Variants in HTR2C observed in about 807,000 individuals in gnomAD.
HTR2C encodes 5-hydroxytryptamine (serotonin) receptor 2C, G protein-coupled.
HTR2C carries 5 observed loss-of-function variants against 21.0 expected under a neutral mutation model. That is an observed-to-expected ratio of 0.24 (90% confidence interval 0.12 to 0.50). The LOEUF (loss-of-function observed/expected upper bound fraction) is 0.50. HTR2C is among the 20% of genes least tolerant of loss of function. HTR2C has a pLI of 0.98. For synonymous variants in HTR2C, 150 were observed against 145.3 expected (o/e 1.03, Z -0.23); for missense variants, 271 against 371.2 (o/e 0.73, Z 2.22).
chrX:114,673,124 A>G (rs186456440), intron 2 of HTR2C, among the ~76,000 whole-genome samples: 84 of 112,139 alleles, frequency 7.5e-4, no homozygotes, highest in African/African-American at 2.5e-3. Context: ...AACTCTTAAG[A>G]TTGTCAAACA....
rs958391438 is a variant in HTR2C, at chrX:114,611,930, C to T, written c.-146-1885C>T. ...GCCAGGATGGTCTCGATCTCCTGAC[C>T]TCGTGATCCTCCTGCCTTGGCCTCC... On this transcript the variant is annotated intron_variant, in intron 1 of 5. Transcript: ENST00000276198. 1.1e-4 allele frequency among the ~76,000 whole-genome samples: 12 copies of T among 111,271 alleles called. 1 individual carries two copies. The highest frequency in any genetic ancestry group is 4.8e-4 in the Admixed American group (5 of 10,473).
At chrX:114,764,400 CAAAAAAA>C (rs375720855) in intron 4 of HTR2C, among the ~76,000 whole-genome samples, 7 of 39,035 alleles carry the variant, frequency 1.8e-4, no homozygotes, top group African/African-American at 5.0e-4. Context: ...AACTCCATCT[CAAAAAAA>C]AAAAAAAAAA....
chrX:114,701,012 C>T (rs942329173), intron 2 of HTR2C, among the ~76,000 whole-genome samples: 26 of 112,235 alleles, frequency 2.3e-4, no homozygotes, highest in East Asian at 5.6e-4. Flanking sequence ...GGGGGAGGGG[C>T]GACCGCCATT....
At chrX:114,868,134 A>G (rs2071061010) in intron 5 of HTR2C, among the ~76,000 whole-genome samples, 1 of 110,583 alleles carries the variant, frequency 9.0e-6, no homozygotes, top group Non-Finnish European at 1.9e-5. Flanking sequence ...TTTCCAATCC[A>G]TGAACATGGA....
At chrX:114,772,761 T>A (rs2070018496) in intron 4 of HTR2C, among the ~76,000 whole-genome samples, 1 of 111,107 alleles carries the variant, frequency 9.0e-6, no homozygotes, top group African/African-American at 3.3e-5. Flanking sequence ...GGAGAGTTGG[T>A]AGGGATATAA....
In HTR2C at chrX:114,906,816, A is replaced by G. The variant is rs148470204; in HGVS notation, c.778A>G (p.Ser260Gly). 9.0e-5 allele frequency: 109 copies of G among 1,208,748 alleles called. No individual in the cohort carries two copies. In the African/African-American group the frequency reaches 1.6e-3, roughly 18 times the overall value. ...CCACACCGAGGAACCGCCTGGACTAAGTCTGGATTTCCTGAAGTGCTGCAA... is the reference window on the plus strand; with the variant it reads ...CCACACCGAGGAACCGCCTGGACTAGGTCTGGATTTCCTGAAGTGCTGCAA... ...HGHTEEPPGL[S>G]LDFLKCCKRN... Residue 260 changes from serine to glycine, a missense_variant, in exon 6 of 6, where the codon AGT (serine) becomes GGT (glycine). Ser to Gly is a moderately conservative substitution (Grantham distance 56). Around this residue, in one of 5 missense-constraint regions of HTR2C, gnomAD observed 192 missense variants for 247.2 expected, o/e 0.78. Transcript: ENST00000276198.
intron 5 of HTR2C, among the ~76,000 whole-genome samples, chrX:114,852,565 G>C (rs1390970483): frequency 9.0e-6 from 1 of 111,317 alleles, no homozygotes; most frequent in Non-Finnish European, 1.9e-5. Context: ...CTATCAATTT[G>C]TAAGATGATA....
At chrX:114,719,895 T>C (rs193051647) in intron 2 of HTR2C, among the ~76,000 whole-genome samples, 2 of 111,837 alleles carry the variant, frequency 1.8e-5, no homozygotes, top group Admixed American at 9.5e-5. Context: ...CAGCTTGTTT[T>C]GTTATACTCT....
intron 4 of HTR2C, among the ~76,000 whole-genome samples, chrX:114,785,965 A>T (rs1348287352): frequency 8.9e-6 from 1 of 112,448 alleles, no homozygotes; most frequent in African/African-American, 3.2e-5. Context: ...AGAGCATATA[A>T]AAAACATTGA....
intron 5 of HTR2C, among the ~76,000 whole-genome samples, chrX:114,855,250 A>G (rs1486584790): frequency 9.0e-6 from 1 of 111,598 alleles, no homozygotes; most frequent in Non-Finnish European, 1.9e-5. Context: ...ATGTATCTAG[A>G]AATGGATATT....
intron 5 of HTR2C, among the ~76,000 whole-genome samples, chrX:114,850,842 A>G (rs1389584025): frequency 9.0e-6 from 1 of 111,559 alleles, no homozygotes; most frequent in Non-Finnish European, 1.9e-5. Flanking sequence ...TAAGACAACT[A>G]TATGTTACAA....
At chrX:114,648,084 G>C (rs1930427249) in intron 2 of HTR2C, among the ~76,000 whole-genome samples, 1 of 111,872 alleles carries the variant, frequency 8.9e-6, no homozygotes, top group Non-Finnish European at 1.9e-5. Context: ...TTTAGTGCTA[G>C]GTTTGGTGCA....
intron 4 of HTR2C, among the ~76,000 whole-genome samples, chrX:114,812,355 A>T (rs181870828): frequency 9.0e-6 from 1 of 111,321 alleles, no homozygotes; most frequent in East Asian, 2.8e-4. Context: ...ACAAACGAAC[A>T]TTATGAAAAC....
rs146325411 is a variant in HTR2C, at chrX:114,826,911, T to A, written c.350-21092T>A. Among the ~76,000 whole-genome samples, 1,034 of 111,295 alleles carry A rather than the reference T, an allele frequency of 9.3e-3. 15 individuals are homozygous for A. The highest frequency in any genetic ancestry group is 0.032 in the African/African-American group (986 of 30,720). ...TTCCTATAGGAATGGGAAACATTCT[T>A]TTGTTTCCTAATTCTGATTTATTAT... On this transcript the variant is annotated intron_variant, in intron 4 of 5. Transcript: ENST00000276198.
intron 5 of HTR2C, among the ~76,000 whole-genome samples, chrX:114,884,356 T>A (rs782336510): frequency 9.0e-6 from 1 of 111,079 alleles, no homozygotes; most frequent in South Asian, 3.7e-4. Context: ...TCCATACTGT[T>A]TCTCATAATG....
intron 2 of HTR2C, among the ~76,000 whole-genome samples, chrX:114,711,919 G>C (rs1241742056): frequency 1.8e-5 from 2 of 111,608 alleles, no homozygotes; most frequent in Non-Finnish European, 3.8e-5. Flanking sequence ...CCTAGAAATT[G>C]TTATTTATAA....
chrX:114,871,636 G>GGT (rs1556476542), intron 5 of HTR2C, among the ~76,000 whole-genome samples: 14 of 101,306 alleles, frequency 1.4e-4, no homozygotes, highest in African/African-American at 4.6e-4. Flanking sequence ...ATCTTCATCT[G>GGT]TTTTTTTTTT....
chrX:114,869,187 C>G (rs1556475589), intron 5 of HTR2C, among the ~76,000 whole-genome samples: 1 of 111,624 alleles, frequency 9.0e-6, no homozygotes, highest in Non-Finnish European at 1.9e-5. Flanking sequence ...TTTTTTATGG[C>G]TGCATAGTAT....
chrX:114,760,046 T>C (rs2069850925), intron 4 of HTR2C, among the ~76,000 whole-genome samples: 1 of 111,388 alleles, frequency 9.0e-6, no homozygotes, highest in Non-Finnish European at 1.9e-5. Context: ...ACTTTGGAAA[T>C]TGGCAGTCAT....
Sources: gnomAD v4.1 joint callset for allele counts (sites outside exome capture counted in the v4.1 genomes callset) on GRCh38, gnomAD v4.1.1 for gene constraint, gnomAD v4.1.1 regional missense constraint, MANE v1.5 for transcripts, NCBI Gene and HGNC (gene_info 2026-07-23, HGNC 2026-07-21) for gene names.